The following PDGFD variants were observed in gnomAD, a reference collection of about 807,000 sequenced individuals.
The protein encoded by PDGFD is platelet-derived growth factor D.
Under a neutral mutation model 44.7 loss-of-function variants are expected in PDGFD, and 30 were observed. The ratio of observed to expected loss-of-function variants is 0.67; its 90% confidence interval spans 0.50 to 0.91. The LOEUF (loss-of-function observed/expected upper bound fraction) is 0.91. Ranked by LOEUF, PDGFD falls within the 40% of genes least tolerant of loss-of-function variation. PDGFD has a pLI of 0.00. For missense variants in PDGFD, 445 were observed against 457.8 expected (o/e 0.97, Z 0.25); for synonymous variants, 173 against 168.4 (o/e 1.03, Z -0.21).
At chr11:104,146,657 T>C (rs1425559421) in intron 1 of PDGFD, among the ~76,000 whole-genome samples, 1 of 152,216 alleles carries the variant, frequency 6.6e-6, no homozygotes, top group African/African-American at 2.4e-5. Context: ...GGGATGGGCC[T>C]GAAGCGTAAG....
At chr11:104,097,430 C>T (rs1022730622) in intron 1 of PDGFD, among the ~76,000 whole-genome samples, 21 of 152,002 alleles carry the variant, frequency 1.4e-4, no homozygotes, top group African/African-American at 4.4e-4. Context: ...CTTTATATTC[C>T]TCTGTTCTTA....
rs1056451007 is a variant in PDGFD at position 103,996,386 on chromosome 11, A to T, written c.330-141T>A. On this transcript the variant is annotated intron_variant, in intron 2 of 6. Coordinates refer to ENST00000393158, the MANE Select transcript of PDGFD (RefSeq NM_025208.5). ...GAAAATTATAATGTACAGAAATGTT[A>T]AAAGGAAAACTGGTTTTTGGATTAG... 20 of 828,278 alleles carry T rather than the reference A, an allele frequency of 2.4e-5. No individual in the cohort carries two copies. In the African/African-American group the frequency reaches 3.2e-4, roughly 13 times the overall value. The allele number at this position is 828,278 out of a possible 1,614,324, so 51.3% of individuals were successfully genotyped here.
intron 3 of PDGFD, among the ~76,000 whole-genome samples, chr11:103,986,161 C>T (rs1791542513): frequency 6.6e-6 from 1 of 152,148 alleles, no homozygotes; most frequent in Non-Finnish European, 1.5e-5. Flanking sequence ...CAGTTGTTTT[C>T]AAGGCTGGAT....
At chr11:104,120,228 C>T (rs1861752432) in intron 1 of PDGFD, among the ~76,000 whole-genome samples, 1 of 151,614 alleles carries the variant, frequency 6.6e-6, no homozygotes, top group African/African-American at 2.4e-5. Context: ...CAATCAAAGG[C>T]TTTCATTACT....
At chr11:103,922,511 G>A (rs914081455) in intron 6 of PDGFD, among the ~76,000 whole-genome samples, 4 of 151,614 alleles carry the variant, frequency 2.6e-5, no homozygotes, top group Admixed American at 2.0e-4. Flanking sequence ...ACCCTCATGC[G>A]AGAGGTGCCC....
At position 104,022,165 on chromosome 11, in the gene PDGFD, C is replaced by A. The variant is rs139684689; in HGVS notation, c.125-21910G>T. On this transcript the variant is annotated intron_variant, in intron 1 of 6. Coordinates refer to ENST00000393158, the MANE Select transcript of PDGFD (RefSeq NM_025208.5). Reference sequence around the variant, plus strand: ...GGGATTTTAACCTAATAATAGAATGCCAGCAGGCTAAAATATATTGGGATC... The same window carrying A: ...GGGATTTTAACCTAATAATAGAATGACAGCAGGCTAAAATATATTGGGATC... Among the ~76,000 whole-genome samples, 1,146 of 152,206 alleles carry A rather than the reference C, an allele frequency of 7.5e-3. 12 individuals are homozygous for A. The highest frequency in any genetic ancestry group is 0.026 in the African/African-American group (1,089 of 41,532).
chr11:104,055,363 G>T (rs541609893), intron 1 of PDGFD, among the ~76,000 whole-genome samples: 6 of 152,272 alleles, frequency 3.9e-5, no homozygotes, highest in African/African-American at 1.4e-4. Context: ...AATATTTGTT[G>T]AAGGGGTAAA....
Position 104,061,767 on chromosome 11 carries a change from C to G in PDGFD, c.125-61512G>C, listed in dbSNP as rs145381458. 8.1e-4 allele frequency among the ~76,000 whole-genome samples: 123 copies of G among 152,258 alleles called. 1 individual carries two copies. The East Asian group carries it at 0.022, about 27-fold the overall frequency. Reference sequence around the variant, plus strand: ...GGATTATAGGTGCATGCCACCATGCCTGACTAATTTTTTTATTTTTAGTAG... The same window carrying G: ...GGATTATAGGTGCATGCCACCATGCGTGACTAATTTTTTTATTTTTAGTAG... On this transcript the variant is annotated intron_variant, in intron 1 of 6. Transcript: ENST00000393158.
At chr11:104,082,898 C>A (rs773509801) in intron 1 of PDGFD, among the ~76,000 whole-genome samples, 76 of 152,160 alleles carry the variant, frequency 5.0e-4, no homozygotes, top group Non-Finnish European at 8.5e-4. Context: ...GGATTACAGG[C>A]ATGAGCCCCT....
intron 1 of PDGFD, chr11:104,037,201 G>A (rs1450360014): frequency 1.2e-6 from 2 of 1,613,584 alleles, no homozygotes; most frequent in Non-Finnish European, 8.5e-7. Flanking sequence ...GCGGTCACAG[G>A]GCTTGGCGTC....
intron 1 of PDGFD, among the ~76,000 whole-genome samples, chr11:104,107,040 C>T (rs188728433): frequency 5.2e-4 from 79 of 152,170 alleles, no homozygotes; most frequent in African/African-American, 1.7e-3. Context: ...CTACCACGCC[C>T]GGCCAATGCC....
intron 1 of PDGFD, among the ~76,000 whole-genome samples, chr11:104,113,749 T>G (rs1490552221): frequency 6.6e-6 from 1 of 152,066 alleles, no homozygotes; most frequent in Non-Finnish European, 1.5e-5. Flanking sequence ...ATAATGAAAG[T>G]TCCTGTTGCT....
intron 1 of PDGFD, among the ~76,000 whole-genome samples, chr11:104,153,983 G>A (rs1489462424): frequency 6.6e-6 from 1 of 151,914 alleles, no homozygotes; most frequent in Non-Finnish European, 1.5e-5. Context: ...AGACAGTCGA[G>A]GAAACAATAA....
chr11:103,948,295 A>G (rs190165182), intron 3 of PDGFD, among the ~76,000 whole-genome samples: 36 of 152,336 alleles, frequency 2.4e-4, no homozygotes, highest in Non-Finnish European at 4.6e-4. Context: ...AATATAAGGA[A>G]GGATGGCAGG....
chr11:104,032,730 G>T (rs1206665869), intron 1 of PDGFD, among the ~76,000 whole-genome samples: 1 of 150,988 alleles, frequency 6.6e-6, no homozygotes, highest in African/African-American at 2.4e-5. Context: ...ATAACTTTGG[G>T]GTTATTTACT....
intron 1 of PDGFD, 138 bp from the exon 2 acceptor site, chr11:104,000,393 T>A: frequency 1.4e-6 from 1 of 732,494 alleles, no homozygotes; most frequent in Non-Finnish European, 2.2e-6. Flanking sequence ...TAAATGCAAA[T>A]AAACAAACTT....
intron 1 of PDGFD, among the ~76,000 whole-genome samples, chr11:104,069,900 G>A (rs914278894): frequency 2.0e-5 from 3 of 152,096 alleles, no homozygotes; most frequent in African/African-American, 7.2e-5. Flanking sequence ...CCATCATTCC[G>A]TCTACATTTA....
intron 6 of PDGFD, among the ~76,000 whole-genome samples, chr11:103,919,516 T>C (rs886338201): frequency 6.9e-6 from 1 of 145,518 alleles, no homozygotes; most frequent in Non-Finnish European, 1.5e-5. Context: ...TTTTTTTTTT[T>C]TTTTTTTTTG....
At chr11:104,106,187 ACCT>A (rs1488290660) in intron 1 of PDGFD, among the ~76,000 whole-genome samples, 11 of 152,118 alleles carry the variant, frequency 7.2e-5, no homozygotes, top group African/African-American at 2.7e-4. Context: ...GTAATCTCAA[ACCT>A]CCACGCACGA....
Sources: allele counts gnomAD v4.1 joint callset (sites outside exome capture counted in the v4.1 genomes callset), GRCh38; gene constraint gnomAD v4.1.1; transcripts MANE v1.5; gene names NCBI Gene and HGNC (gene_info 2026-07-23, HGNC 2026-07-21).